CDK8: variants seen among roughly 807,000 people sequenced by gnomAD.
CDK8 encodes the protein cyclin-dependent kinase 8.
A neutral mutation model predicts 71.5 loss-of-function variants in CDK8; 29 were observed. The ratio of observed to expected loss-of-function variants is 0.41; its 90% CI spans 0.30 to 0.55. The LOEUF (loss-of-function observed/expected upper bound fraction) is 0.55. CDK8 is among the 20% of genes least tolerant of loss of function. The probability of loss-of-function intolerance (pLI) is 0.37; values close to 1 mark genes in which losing one functional copy is unlikely to be tolerated. For synonymous variants in CDK8, 161 were observed against 192.1 expected (o/e 0.84, Z 1.34); for missense variants, 288 against 572.6 (o/e 0.50, Z 5.07).
Position 26,266,395 on chromosome 13 carries a change from G to C in CDK8, c.128+11626G>C, listed in dbSNP as rs116867399. On this transcript the variant is annotated intron_variant, in intron 1 of 12. Coordinates refer to ENST00000381527, the MANE Select transcript of CDK8 (RefSeq NM_001260.3). ...TGCGAAGAAAGAGATGTCTACCTAG[G>C]AGGCCAAAAATTGAGTCTAGAAAGG... is the stretch of plus-strand genomic sequence containing the variant. 9.4e-3 allele frequency among the ~76,000 whole-genome samples: 1,438 copies of C among 152,224 alleles called. 7 individuals carry two copies. Among genetic ancestry groups the C allele is most frequent in the Middle Eastern group, 0.017 (5 of 294 alleles).
chr13:26,292,413 A>T (rs1175691), intron 1 of CDK8, among the ~76,000 whole-genome samples: 144,121 of 152,286 alleles, frequency 0.95, 68,240 homozygotes, highest in East Asian at 1. Flanking sequence ...AGGGTTTATC[A>T]TTATTTTTGT....
chr13:26,319,600 T>C (rs1874670890), intron 1 of CDK8, among the ~76,000 whole-genome samples: 1 of 151,758 alleles, frequency 6.6e-6, no homozygotes, highest in Non-Finnish European at 1.5e-5. Context: ...TGTTCATGAA[T>C]TGGAAGATTT....
chr13:26,342,772 G>A (rs1351086070), intron 2 of CDK8, among the ~76,000 whole-genome samples: 1 of 152,140 alleles, frequency 6.6e-6, no homozygotes, highest in African/African-American at 2.4e-5. Context: ...TACTTATTCA[G>A]TAGTAATAGT....
chr13:26,276,707 A>G (rs1872575463), intron 1 of CDK8, among the ~76,000 whole-genome samples: 1 of 152,164 alleles, frequency 6.6e-6, no homozygotes, highest in Non-Finnish European at 1.5e-5. Flanking sequence ...ACAGATAGCA[A>G]CCTATGGTTG....
At chr13:26,385,820 G>A (rs1005119522) in intron 6 of CDK8, among the ~76,000 whole-genome samples, 49 of 152,122 alleles carry the variant, frequency 3.2e-4, no homozygotes, top group African/African-American at 1.1e-3. Context: ...AGTAGCAATA[G>A]GGGTATATCA....
intron 4 of CDK8, among the ~76,000 whole-genome samples, chr13:26,379,558 G>A (rs889357562): frequency 6.6e-6 from 1 of 152,130 alleles, no homozygotes; most frequent in Non-Finnish European, 1.5e-5. Context: ...GGGCTTTTCA[G>A]ATCTGTGTCC....
chr13:26,256,356 C>A (rs1764094627), intron 1 of CDK8, among the ~76,000 whole-genome samples: 1 of 149,780 alleles, frequency 6.7e-6, no homozygotes, highest in Non-Finnish European at 1.5e-5. Context: ...TAAACCATCT[C>A]CCCTTCCCCC....
chr13:26,263,820 C>G (rs1871896924), intron 1 of CDK8, among the ~76,000 whole-genome samples: 1 of 150,918 alleles, frequency 6.6e-6, no homozygotes, highest in Non-Finnish European at 1.5e-5. Flanking sequence ...GATCTCGGCT[C>G]ACTGCTAGCT....
In CDK8 at chr13:26,337,607, A is replaced by G; in HGVS notation, c.169A>G (p.Thr57Ala). ...KDYALKQIEG[T>A]GISMSACREI... ...CTATGCTTTAAAACAAATAGAAGGA[A>G]CTGGGATCTCTATGTCGGCATGTAG... Residue 57 changes from threonine to alanine, a missense_variant, in exon 2 of 13, where the codon ACT becomes GCT. Coordinates refer to ENST00000381527, the MANE Select transcript of CDK8 (RefSeq NM_001260.3). The G allele has an allele frequency of 6.8e-7, 1 of 1,459,912 alleles. No individual in the cohort carries two copies. The highest frequency in any genetic ancestry group is 9.0e-7 in the Non-Finnish European group (1 of 1,106,160). 90.4% of individuals were successfully genotyped at this position (1,459,912 alleles called of 1,614,324 possible). A position where few individuals can be genotyped will look rare whatever the true frequency, so the allele number is the denominator to read the frequency against.
chr13:26,286,435 G>C (rs1002389864), intron 1 of CDK8, among the ~76,000 whole-genome samples: 3 of 152,288 alleles, frequency 2.0e-5, no homozygotes, highest in Admixed American at 6.5e-5. Flanking sequence ...TTCAATAAAT[G>C]GTGCTGGGAT....
intron 1 of CDK8, among the ~76,000 whole-genome samples, chr13:26,288,951 A>G (rs1199376785): frequency 1.3e-5 from 2 of 149,968 alleles, no homozygotes; most frequent in Non-Finnish European, 3.0e-5. Flanking sequence ...GGGTTTCACT[A>G]TGGTCTCGAA....
chr13:26,291,060 A>C (rs1219426355), intron 1 of CDK8, among the ~76,000 whole-genome samples: 1 of 151,130 alleles, frequency 6.6e-6, no homozygotes, highest in East Asian at 2.0e-4. Context: ...CAGAGGTTGC[A>C]GTGAGCCAGG....
chr13:26,272,332 T>C (rs1297818976), intron 1 of CDK8, among the ~76,000 whole-genome samples: 4 of 152,082 alleles, frequency 2.6e-5, no homozygotes, highest in African/African-American at 9.7e-5. Context: ...AAAAAAGTTT[T>C]TATTTTTTGC....
intron 4 of CDK8, among the ~76,000 whole-genome samples, chr13:26,368,898 A>G (rs990675905): frequency 6.6e-6 from 1 of 151,658 alleles, no homozygotes; most frequent in Admixed American, 6.6e-5. Flanking sequence ...TTTGTTTTTA[A>G]TGTTGAACCC....
chr13:26,351,155 C>A (rs1873663993), intron 3 of CDK8, among the ~76,000 whole-genome samples: 1 of 152,068 alleles, frequency 6.6e-6, no homozygotes, highest in Non-Finnish European at 1.5e-5. Flanking sequence ...TGTGTTAATT[C>A]ATTAAGAATT....
chr13:26,375,347 G>C (rs1178459512), intron 4 of CDK8, among the ~76,000 whole-genome samples: 1 of 152,196 alleles, frequency 6.6e-6, no homozygotes, highest in African/African-American at 2.4e-5. Flanking sequence ...AAGGTGTACT[G>C]TGTTTTGGAG....
chr13:26,328,122 A>T (rs1875109104), intron 1 of CDK8, among the ~76,000 whole-genome samples: 1 of 152,142 alleles, frequency 6.6e-6, no homozygotes, highest in South Asian at 2.1e-4. Flanking sequence ...AGCCACTAAG[A>T]TTTTATGTCA....
In CDK8 at chr13:26,365,091, T is replaced by TC. The variant is rs537394148; in HGVS notation, c.456+11213dup. On this transcript the variant is annotated intron_variant, in intron 4 of 12. Transcript: ENST00000381527. ...GAGATTTGCTTCGTTTGTTGGGAACTCCAAGGATTTACTCTAATTGTACCT... is the reference window on the plus strand; with the variant it reads ...GAGATTTGCTTCGTTTGTTGGGAACTCCCAAGGATTTACTCTAATTGTACCT... Among the ~76,000 whole-genome samples the TC allele has an allele frequency of 7.2e-4, 109 of 152,278 alleles. 1 individual carries two copies. The South Asian group carries it at 0.021, about 30-fold the overall frequency.
At position 26,315,219 on chromosome 13, in the gene CDK8, A is replaced by C. The variant is rs73160320; in HGVS notation, c.129-22348A>C. Among the ~76,000 whole-genome samples, 787 of 152,290 alleles carry C rather than the reference A, an allele frequency of 5.2e-3. 6 individuals carry two copies. Among genetic ancestry groups the C allele is most frequent in the Non-Finnish European group, 8.3e-3 (562 of 68,028 alleles). On this transcript the variant is annotated intron_variant, in intron 1 of 12. Transcript: ENST00000381527. Reference sequence around the variant, plus strand: ...TCAAATTTTTCACCTCTAATTTTTTAGTTTTATATAAAGATCATAGATATG... The same window carrying C: ...TCAAATTTTTCACCTCTAATTTTTTCGTTTTATATAAAGATCATAGATATG...
Sources: gnomAD v4.1 joint callset for allele counts (sites outside exome capture counted in the v4.1 genomes callset) on GRCh38, gnomAD v4.1.1 for gene constraint, MANE v1.5 for transcripts, NCBI Gene and HGNC (gene_info 2026-07-23, HGNC 2026-07-21) for gene names.